Variants in ADAMTS12 observed in about 807,000 individuals in gnomAD.
The protein encoded by ADAMTS12 is A disintegrin and metalloproteinase with thrombospondin motifs 12.
In ADAMTS12, 118 loss-of-function variants were observed where a neutral mutation model predicts 167.8. The ratio of observed to expected loss-of-function variants is 0.70; its 90% CI spans 0.61 to 0.82. The LOEUF (loss-of-function observed/expected upper bound fraction) is 0.82, where lower values mean the gene tolerates loss of function less well. Among genes scored for constraint, ADAMTS12 ranks in the 40% least tolerant of loss-of-function variants. The probability of loss-of-function intolerance (pLI) is 0.00; values close to 1 mark genes in which losing one functional copy is unlikely to be tolerated. For synonymous variants in ADAMTS12, 704 were observed against 716.9 expected (o/e 0.98, Z 0.29); for missense variants, 1,916 against 1,998.8 (o/e 0.96, Z 0.79).
At chr5:33,873,714 T>C (rs1750125642) in intron 2 of ADAMTS12, among the ~76,000 whole-genome samples, 1 of 152,058 alleles carries the variant, frequency 6.6e-6, no homozygotes, top group South Asian at 2.1e-4. Context: ...AATAGATAAA[T>C]AGATAATGAA....
intron 18 of ADAMTS12, among the ~76,000 whole-genome samples, chr5:33,586,225 G>T (rs1392880656): frequency 6.6e-6 from 1 of 152,130 alleles, no homozygotes; most frequent in Non-Finnish European, 1.5e-5. Flanking sequence ...TTTAAAAAAA[G>T]TATCTGGGCA....
chr5:33,819,930 T>C (rs1022797818), intron 2 of ADAMTS12, among the ~76,000 whole-genome samples: 1 of 152,150 alleles, frequency 6.6e-6, no homozygotes, highest in Non-Finnish European at 1.5e-5. Flanking sequence ...CTCCATCCTC[T>C]TGCTGCCATT....
intron 12 of ADAMTS12, among the ~76,000 whole-genome samples, chr5:33,634,034 C>T (rs771710904): frequency 6.6e-6 from 1 of 152,018 alleles, no homozygotes; most frequent in Admixed American, 6.6e-5. Flanking sequence ...ATGAACTTAC[C>T]GAATCAAAGT....
intron 3 of ADAMTS12, among the ~76,000 whole-genome samples, chr5:33,703,515 A>G (rs1470081131): frequency 4.6e-5 from 7 of 152,164 alleles, no homozygotes. Flanking sequence ...TTTATTTTGC[A>G]TAATTGAAAC....
chr5:33,537,247 G>A (rs1166176587), intron 22 of ADAMTS12, among the ~76,000 whole-genome samples: 1 of 152,224 alleles, frequency 6.6e-6, no homozygotes, highest in African/African-American at 2.4e-5. Context: ...GAATATTACT[G>A]TAAAGAAGAG....
intron 13 of ADAMTS12, among the ~76,000 whole-genome samples, chr5:33,624,742 G>A (rs796780585): frequency 3.9e-5 from 6 of 152,308 alleles, no homozygotes; most frequent in African/African-American, 1.4e-4. Context: ...GGTGTTCTGT[G>A]GGAGTGGATA....
chr5:33,714,715 A>G (rs371535986), intron 3 of ADAMTS12, among the ~76,000 whole-genome samples: 1 of 152,096 alleles, frequency 6.6e-6, no homozygotes, highest in Non-Finnish European at 1.5e-5. Context: ...ACAAAATTAC[A>G]TGTTCTCACT....
At chr5:33,802,042 C>G (rs2166377) in intron 2 of ADAMTS12, among the ~76,000 whole-genome samples, 55,058 of 151,902 alleles carry the variant, frequency 0.36, 11,066 homozygotes, top group South Asian at 0.44. Context: ...AAGAAAGGCC[C>G]CAGAGAGCTG....
intron 2 of ADAMTS12, among the ~76,000 whole-genome samples, chr5:33,796,576 T>C (rs1746787210): frequency 2.0e-5 from 3 of 152,166 alleles, no homozygotes; most frequent in Admixed American, 2.0e-4. Context: ...TCATCCCTTG[T>C]GGTTGGATGG....
At chr5:33,528,022 G>A (rs144279075) in intron 23 of ADAMTS12, among the ~76,000 whole-genome samples, 268 of 151,534 alleles carry the variant, frequency 1.8e-3, no homozygotes, top group African/African-American at 6.2e-3. Flanking sequence ...CTAAGGGCCC[G>A]TCAACCAATG....
intron 3 of ADAMTS12, among the ~76,000 whole-genome samples, chr5:33,726,431 C>T (rs1467398606): frequency 6.6e-6 from 1 of 152,106 alleles, no homozygotes; most frequent in Non-Finnish European, 1.5e-5. Context: ...AAGCTTTAGA[C>T]AAATTAAACT....
intron 2 of ADAMTS12, among the ~76,000 whole-genome samples, chr5:33,793,019 A>G (rs1327831472): frequency 6.6e-6 from 1 of 152,222 alleles, no homozygotes; most frequent in Admixed American, 6.5e-5. Context: ...TCTGGGAACC[A>G]GGCTTAGTGT....
chr5:33,825,645 ATTGT>A, intron 2 of ADAMTS12, among the ~76,000 whole-genome samples: 1 of 152,312 alleles, frequency 6.6e-6, no homozygotes, highest in South Asian at 2.1e-4. Flanking sequence ...TGTGATCAGA[ATTGT>A]TTTTGTTTTT....
intron 23 of ADAMTS12, among the ~76,000 whole-genome samples, chr5:33,532,106 G>A (rs776482578): frequency 6.6e-6 from 1 of 152,156 alleles, no homozygotes; most frequent in African/African-American, 2.4e-5. Context: ...ATCCCAATTT[G>A]CCTCTGCTGG....
At chr5:33,863,341 A>C (rs1749692501) in intron 2 of ADAMTS12, among the ~76,000 whole-genome samples, 1 of 152,248 alleles carries the variant, frequency 6.6e-6, no homozygotes, top group South Asian at 2.1e-4. Context: ...CAACTTCAGC[A>C]AAGACTCAGG....
intron 3 of ADAMTS12, among the ~76,000 whole-genome samples, chr5:33,686,936 T>TATATATATAG (rs70964412): frequency 9.6e-5 from 14 of 145,564 alleles, no homozygotes; most frequent in African/African-American, 3.3e-4. Context: ...TATATATATA[T>TATATATATAG]AGAGAGAGAG....
At chr5:33,851,227 G>A (rs189334939) in intron 2 of ADAMTS12, among the ~76,000 whole-genome samples, 1 of 151,992 alleles carries the variant, frequency 6.6e-6, no homozygotes, top group African/African-American at 2.4e-5. Flanking sequence ...TCTGGCTAAC[G>A]TGGTGAAACC....
At chr5:33,629,566 T>A (rs1220791063) in intron 13 of ADAMTS12, among the ~76,000 whole-genome samples, 1 of 152,152 alleles carries the variant, frequency 6.6e-6, no homozygotes, top group African/African-American at 2.4e-5. Context: ...CTCACCCTTG[T>A]ATGCCTGATG....
At chr5:33,822,762 A>G (rs1747910900) in intron 2 of ADAMTS12, among the ~76,000 whole-genome samples, 1 of 152,162 alleles carries the variant, frequency 6.6e-6, no homozygotes, top group African/African-American at 2.4e-5. Context: ...TCATGATTCT[A>G]AAGAAAAATA....
Sources: allele counts gnomAD v4.1 joint callset (sites outside exome capture counted in the v4.1 genomes callset), GRCh38; gene constraint gnomAD v4.1.1; transcripts MANE v1.5; gene names NCBI Gene and HGNC (gene_info 2026-07-23, HGNC 2026-07-21).